The following C3orf22 variants were observed in gnomAD, a reference collection of about 807,000 sequenced individuals.
C3orf22 encodes the protein chromosome 3 open reading frame 22.
A neutral mutation model predicts 10.8 loss-of-function variants in C3orf22; 7 were observed. The observed-to-expected ratio is 0.65, with a 90% CI of 0.37 to 1.22. The LOEUF (loss-of-function observed/expected upper bound fraction) is 1.22, where lower values mean the gene tolerates loss of function less well. Among genes scored for constraint, C3orf22 ranks in the 50% most tolerant of loss-of-function variants. C3orf22 has a pLI of 0.02. For missense variants in C3orf22, 173 were observed against 177.0 expected, an observed-to-expected ratio of 0.98 and a Z score of 0.13; for synonymous variants, 79 against 78.9, an observed-to-expected ratio of 1.00 and a Z score of 0.00.
intron 1 of C3orf22, among the ~76,000 whole-genome samples, chr3:126,554,471 C>A (rs540457634): frequency 3.4e-4 from 51 of 152,196 alleles, no homozygotes; most frequent in African/African-American, 1.2e-3. Context: ...ACCATGTTGG[C>A]CAGGCTGGTC....
chr3:126,528,729 C>T (rs1169953894), intron 5 of C3orf22, among the ~76,000 whole-genome samples: 2 of 152,096 alleles, frequency 1.3e-5, no homozygotes, highest in African/African-American at 2.4e-5. Context: ...TTCTAGATGG[C>T]CTGTGGAGTT....
chr3:126,535,680 C>G (rs1321532740), intron 4 of C3orf22, among the ~76,000 whole-genome samples: 1 of 152,278 alleles, frequency 6.6e-6, no homozygotes, highest in African/African-American at 2.4e-5. Context: ...CAGACAGCAT[C>G]CCTCTTCTCA....
At chr3:126,547,203 G>C (rs1445592480), downstream of C3orf22, among the ~76,000 whole-genome samples, 2 of 152,194 alleles carry the variant, frequency 1.3e-5, no homozygotes, top group Non-Finnish European at 2.9e-5. Context: ...GAGATGCAGG[G>C]CACAGGGCCC....
In C3orf22 at chr3:126,532,044, G is replaced by A. The variant is rs967999548; in HGVS notation, c.287-2672C>T. 2.5e-4 allele frequency among the ~76,000 whole-genome samples: 38 copies of A among 152,278 alleles called. 2 individuals carry two copies. Among genetic ancestry groups the A allele is most frequent in the Admixed American group, 2.1e-3 (32 of 15,300 alleles). Reference sequence around the variant, plus strand: ...CTAGTGATGTTGCGCACCTTTTCATGTGCTTATTGCTGTAGGTATATCTTT... The same window carrying A: ...CTAGTGATGTTGCGCACCTTTTCATATGCTTATTGCTGTAGGTATATCTTT... On this transcript the variant is annotated intron_variant and NMD_transcript_variant, in intron 4 of 5. Transcript: ENST00000505070.
chr3:126,542,381 G>T, intron 4 of C3orf22: 2 of 1,559,632 alleles, frequency 1.3e-6, no homozygotes, highest in East Asian at 2.5e-5. Context: ...CGCGGCCTTC[G>T]TGCTGGGCCT....
At chr3:126,537,791 C>T (rs1054827614) in intron 4 of C3orf22, among the ~76,000 whole-genome samples, 1 of 152,232 alleles carries the variant, frequency 6.6e-6, no homozygotes, top group Non-Finnish European at 1.5e-5. Context: ...GTGCTGATCA[C>T]GTGCCAGGCC....
At chr3:126,550,409 GC>G (rs1348024254) in intron 3 of C3orf22, among the ~76,000 whole-genome samples, 10 of 152,124 alleles carry the variant, frequency 6.6e-5, no homozygotes, top group African/African-American at 2.4e-4. Flanking sequence ...CACTAAGCAA[GC>G]TTTATTTTTA....
intron 4 of C3orf22, among the ~76,000 whole-genome samples, chr3:126,536,896 A>AACAAAC (rs1936805585): frequency 7.1e-6 from 1 of 140,400 alleles, no homozygotes; most frequent in Admixed American, 7.1e-5. Flanking sequence ...CACACACACA[A>AACAAAC]ACACACACAC....
intron 5 of C3orf22, among the ~76,000 whole-genome samples, chr3:126,528,101 G>A (rs1216607848): frequency 6.6e-6 from 1 of 151,566 alleles, no homozygotes; most frequent in Non-Finnish European, 1.5e-5. Context: ...AAAGCATGGA[G>A]GAGTGAAATG....
intron 4 of C3orf22, chr3:126,542,268 G>T: frequency 1.9e-6 from 3 of 1,558,758 alleles, no homozygotes; most frequent in Non-Finnish European, 2.6e-6. Context: ...CGCACGCGGC[G>T]TGAGGAGCCC....
chr3:126,529,473 G>C, intron 4 of C3orf22: 3 of 1,103,740 alleles, frequency 2.7e-6, no homozygotes, highest in Non-Finnish European at 3.5e-6. Context: ...CGGTGGCCTG[G>C]GGTCAAATTC....
At chr3:126,553,529 C>A in intron 1 of C3orf22, 99 bp from the exon 2 acceptor site, 1 of 747,342 alleles carries the variant, frequency 1.3e-6, no homozygotes, top group Non-Finnish European at 2.3e-6. Flanking sequence ...TGCGGGCCGC[C>A]AAATGACCTG....
intron 3 of C3orf22, among the ~76,000 whole-genome samples, chr3:126,551,055 T>C (rs1223677762): frequency 6.6e-6 from 1 of 152,108 alleles, no homozygotes; most frequent in Non-Finnish European, 1.5e-5. Context: ...CTACGGGGAG[T>C]GAGGCCTGGC....
At chr3:126,542,193 C>T in intron 4 of C3orf22, 1 of 1,443,742 alleles carries the variant, frequency 6.9e-7, no homozygotes, top group South Asian at 1.4e-5. Flanking sequence ...CGCGCGCTCC[C>T]CGACGCCCGG....
Position 126,549,718 on chromosome 3 carries a change from C to G in C3orf22, c.*150G>C, listed in dbSNP as rs1937136293. ...GGGGTGGGAACTCGCAGTTTATTAG[C>G]TTGGTGTAGCTTTTTGGGGGGACCA... On this transcript the variant is annotated 3_prime_UTR_variant, in exon 4 of 4. Transcript: ENST00000318225. 4.0e-6 allele frequency: 6 copies of G among 1,517,830 alleles called. No homozygotes were observed. The highest frequency in any genetic ancestry group is 1.8e-6 in the Non-Finnish European group (2 of 1,135,652). 94.0% of individuals were successfully genotyped at this position (1,517,830 alleles called of 1,614,324 possible).
intron 4 of C3orf22, among the ~76,000 whole-genome samples, chr3:126,537,846 G>A (rs1026890309): frequency 1.4e-4 from 22 of 152,228 alleles, no homozygotes; most frequent in African/African-American, 1.4e-4. Flanking sequence ...AGGTGGGGCC[G>A]TTGTCCCTGT....
chr3:126,534,466 GAGAC>G (rs1466212124), intron 4 of C3orf22, among the ~76,000 whole-genome samples: 4 of 151,662 alleles, frequency 2.6e-5, no homozygotes, highest in Non-Finnish European at 5.9e-5. Flanking sequence ...CCCCACCCAG[GAGAC>G]AGACAGACAG....
At chr3:126,554,747 T>C (rs897469279) in intron 1 of C3orf22, among the ~76,000 whole-genome samples, 35 of 152,142 alleles carry the variant, frequency 2.3e-4, no homozygotes, top group African/African-American at 8.0e-4. Context: ...CTGAAGCATG[T>C]TGTGACAATG....
Position 126,549,836 on chromosome 3 carries a change from C to A in C3orf22, c.*32G>T. Reference sequence around the variant, plus strand: ...CCAGAGCCTGCCAAGGAGAAGGTGGCCAATAAGAAGGCCACACACAGAGCC... The same window carrying A: ...CCAGAGCCTGCCAAGGAGAAGGTGGACAATAAGAAGGCCACACACAGAGCC... On this transcript the variant is annotated 3_prime_UTR_variant, in exon 4 of 4. Transcript: ENST00000318225. The A allele has an allele frequency of 6.3e-7, 1 of 1,583,418 alleles. No homozygotes were observed. Among genetic ancestry groups the A allele is most frequent in the Non-Finnish European group, 8.6e-7 (1 of 1,164,176 alleles).
Sources: gnomAD v4.1 joint callset for allele counts (sites outside exome capture counted in the v4.1 genomes callset) on GRCh38, gnomAD v4.1.1 for gene constraint, MANE v1.5 for transcripts, NCBI Gene and HGNC (gene_info 2026-07-23, HGNC 2026-07-21) for gene names.